The following SRRM1 variants were observed in gnomAD, a reference collection of about 807,000 sequenced individuals.
SRRM1 encodes serine and arginine repetitive matrix 1, also known as serine/arginine repetitive matrix protein 1.
Under a neutral mutation model 110.2 loss-of-function variants are expected in SRRM1, and 19 were observed. The ratio of observed to expected loss-of-function variants is 0.17; its 90% CI spans 0.12 to 0.25. SRRM1 has a LOEUF of 0.25. Ranked by LOEUF, SRRM1 falls within the 10% of genes least tolerant of loss-of-function variation. The pLI is 1.00. For missense variants in SRRM1, 918 were observed against 1,145.8 expected (o/e 0.80, Z 2.87); for synonymous variants, 443 against 414.9 (o/e 1.07, Z -0.82).
At chr1:24,650,806 A>G (rs1051961102) in intron 5 of SRRM1, among the ~76,000 whole-genome samples, 1 of 152,228 alleles carries the variant, frequency 6.6e-6, no homozygotes, top group Non-Finnish European at 1.5e-5. Flanking sequence ...CATGGTGGTA[A>G]CTACTTGACT....
intron 9 of SRRM1, among the ~76,000 whole-genome samples, chr1:24,655,698 G>A (rs1663677139): frequency 6.6e-6 from 1 of 152,148 alleles, no homozygotes; most frequent in Non-Finnish European, 1.5e-5. Flanking sequence ...CAGGCAAGTA[G>A]AATGCTGTGT....
chr1:24,644,324 C>T (rs541283772), intron 1 of SRRM1, among the ~76,000 whole-genome samples: 100 of 152,232 alleles, frequency 6.6e-4, no homozygotes, highest in African/African-American at 2.4e-3. Context: ...AGTTGAGCAC[C>T]ATTGGTCTCT....
intron 3 of SRRM1, chr1:24,648,194 C>G (rs1271215064): frequency 1.3e-5 from 2 of 152,168 alleles, no homozygotes; most frequent in Non-Finnish European, 2.9e-5. Context: ...TTGAGCTGTG[C>G]TTGTTATACA....
rs1379982943 is a variant in SRRM1 at position 24,673,230 on chromosome 1, C to T, written c.*944C>T. ...TTTTTTAAACTAAAGCTATATAAAG[C>T]TTGTGGATTAAACAGAATAAATTTC... On this transcript the variant is annotated 3_prime_UTR_variant, in exon 17 of 17. Transcript: ENST00000323848. 1 of 151,198 alleles carries T rather than the reference C, an allele frequency of 6.6e-6. No individual in the cohort carries two copies. The highest frequency in any genetic ancestry group is 1.5e-5 in the Non-Finnish European group (1 of 67,910). The allele number at this position is 151,198 out of a possible 1,614,324, so 9.4% of individuals were successfully genotyped here.
In SRRM1 at chr1:24,662,664, T is replaced by C. The variant is rs1667877161; in HGVS notation, c.1488T>C (p.Ser496=). The C allele has an allele frequency of 5.0e-6, 8 of 1,613,568 alleles. No individual in the cohort carries two copies. The highest frequency in any genetic ancestry group is 6.8e-6 in the Non-Finnish European group (8 of 1,179,784). Residue 496 remains serine (S), a synonymous_variant, in exon 12 of 17, where the codon TCT becomes TCC. Transcript: ENST00000323848. ...RRQNQQSSSD[S]GSSSSSEDER... ...TTTTTAATTTTGTAATTATAGACTC[T>C]GGCTCCTCCTCCTCCTCAGAAGATG...
rs1380350446 is a variant in SRRM1, at chr1:24,656,405, TTTG to T, written c.1315+1280_1315+1282del. 3.9e-5 allele frequency among the ~76,000 whole-genome samples: 6 copies of T among 152,338 alleles called. No individual in the cohort carries two copies. The East Asian group carries it at 1.2e-3, about 29-fold the overall frequency. The stretch of plus-strand genomic sequence containing the variant: ...GTTCATTAAATAAGACATGGCCACT[TTTG>T]TTGGCCCCTTAGAGAAGCAGCTAGT... On this transcript the variant is annotated intron_variant, in intron 9 of 16. Coordinates refer to ENST00000323848, the MANE Select transcript of SRRM1 (RefSeq NM_005839.4).
At chr1:24,649,341 C>T (rs145846830) in intron 4 of SRRM1, among the ~76,000 whole-genome samples, 53 of 152,278 alleles carry the variant, frequency 3.5e-4, no homozygotes, top group African/African-American at 1.3e-3. Context: ...TTTTTTGAGA[C>T]ACAGTTTCAG....
rs138680978 is a variant in SRRM1, at chr1:24,660,859, G to A, written c.1396+60G>A. 2.6e-5 allele frequency: 34 copies of A among 1,299,250 alleles called. No individual in the cohort carries two copies. The African/African-American group carries it at 4.2e-4, about 16-fold the overall frequency. 80.5% of individuals were successfully genotyped at this position (1,299,250 alleles called of 1,614,324 possible). On this transcript the variant is annotated intron_variant, in intron 10 of 16. Coordinates refer to ENST00000323848, the MANE Select transcript of SRRM1 (RefSeq NM_005839.4). ...GTTTGTTTTTGTTTTTCTTAAAGCTGATTTTGATTTTTTGCACATTTGGTC... is the reference window on the plus strand; with the variant it reads ...GTTTGTTTTTGTTTTTCTTAAAGCTAATTTTGATTTTTTGCACATTTGGTC...
rs548173748 is a variant in SRRM1 at position 24,653,859 on chromosome 1, G to A, written c.1040+827G>A. 1.4e-4 allele frequency among the ~76,000 whole-genome samples: 21 copies of A among 152,228 alleles called. No individual in the cohort carries two copies. The South Asian group carries it at 3.7e-3, about 27-fold the overall frequency. The stretch of plus-strand genomic sequence containing the variant: ...GAATTTTTTGTTTGAGTCTTTTAAA[G>A]TTCTTTTCAGGGAACCAAATCAATT... On this transcript the variant is annotated intron_variant, in intron 8 of 16. Transcript: ENST00000323848.
chr1:24,643,489 C>CG (rs1655008181), intron 1 of SRRM1, 142 bp downstream of exon 1: 6 of 572,344 alleles, frequency 1.0e-5, no homozygotes, highest in Non-Finnish European at 1.3e-5. Flanking sequence ...CGCACCCCCC[C>CG]CCCCCCCGTG....
Position 24,652,908 on chromosome 1 carries a change from G to A in SRRM1, c.921-5G>A. The A allele has an allele frequency of 6.2e-7, 1 of 1,613,192 alleles. No individual in the cohort carries two copies. Among genetic ancestry groups the A allele is most frequent in the East Asian group, 2.2e-5 (1 of 44,834 alleles). On this transcript the variant is annotated splice_polypyrimidine_tract_variant and splice_region_variant and intron_variant, in intron 7 of 16. Transcript: ENST00000323848. Reference sequence around the variant, plus strand: ...TTCAGGACCTAATTCTCTTTGTTATGGCAGATCGTATTCACCTAGAAGGCG... The same window carrying A: ...TTCAGGACCTAATTCTCTTTGTTATAGCAGATCGTATTCACCTAGAAGGCG...
chr1:24,646,615 A>ATT, intron 2 of SRRM1, 52 bp from the exon 3 acceptor site: 12 of 1,451,206 alleles, frequency 8.3e-6, no homozygotes, highest in East Asian at 2.5e-5. Flanking sequence ...TAACTTGAGC[A>ATT]TTTTTTTTTA....
intron 11 of SRRM1, among the ~76,000 whole-genome samples, chr1:24,662,354 G>T (rs914708543): frequency 6.6e-6 from 1 of 152,152 alleles, no homozygotes; most frequent in East Asian, 1.9e-4. Flanking sequence ...AGGCACAAGC[G>T]GTCTTTCTGC....
chr1:24,658,132 A>C (rs1029813251), intron 9 of SRRM1, among the ~76,000 whole-genome samples: 3 of 152,190 alleles, frequency 2.0e-5, no homozygotes, highest in Non-Finnish European at 2.9e-5. Flanking sequence ...GTGCTGTTAT[A>C]ATATTAATAA....
At chr1:24,667,277 T>C (rs188487612) in intron 13 of SRRM1, among the ~76,000 whole-genome samples, 10 of 152,338 alleles carry the variant, frequency 6.6e-5, no homozygotes, top group Non-Finnish European at 1.2e-4. Context: ...ATGAATATAC[T>C]AAAATCATTT....
In SRRM1 at chr1:24,651,394, T is replaced by C. The variant is rs1660591684; in HGVS notation, c.522-15T>C. ...ATGTTATTTAAAAACCTGAAAAAAA[T>C]TACTTTCATCCTAGACGCAAATCCA... On this transcript the variant is annotated splice_polypyrimidine_tract_variant and intron_variant, in intron 5 of 16. Transcript: ENST00000323848. The C allele has an allele frequency of 1.9e-6, 3 of 1,606,366 alleles. No individual in the cohort carries two copies. Among genetic ancestry groups the C allele is most frequent in the Non-Finnish European group, 2.6e-6 (3 of 1,175,960 alleles).
chr1:24,666,777 A>G, intron 12 of SRRM1, 38 bp from the exon 13 acceptor site: 4 of 1,575,856 alleles, frequency 2.5e-6, no homozygotes, highest in Non-Finnish European at 3.5e-6. Context: ...ACACACAAAA[A>G]AAAGAAAAAA....
intron 15 of SRRM1, 130 bp from the exon 16 acceptor site, chr1:24,671,254 TCA>T: frequency 1.0e-6 from 1 of 990,134 alleles, no homozygotes; most frequent in Admixed American, 2.4e-5. Context: ...CCTTCCCCAC[TCA>T]CACCCTCCAA....
chr1:24,659,054 G>A (rs938168908), intron 9 of SRRM1, among the ~76,000 whole-genome samples: 1 of 152,112 alleles, frequency 6.6e-6, no homozygotes, highest in Non-Finnish European at 1.5e-5. Context: ...TTAGCCGGGC[G>A]TGGTTGGCGC....
Sources: gnomAD v4.1 joint callset for allele counts (sites outside exome capture counted in the v4.1 genomes callset) on GRCh38, gnomAD v4.1.1 for gene constraint, MANE v1.5 for transcripts, NCBI Gene and HGNC (gene_info 2026-07-23, HGNC 2026-07-21) for gene names.